The following SP2 variants were observed in gnomAD, a reference collection of about 807,000 sequenced individuals.
SP2 encodes transcription factor Sp2.
Under a neutral mutation model 50.1 loss-of-function variants are expected in SP2, and 9 were observed. The ratio of observed to expected loss-of-function variants is 0.18; its 90% CI spans 0.11 to 0.31. The LOEUF (loss-of-function observed/expected upper bound fraction) is 0.31, where lower values mean the gene tolerates loss of function less well. Ranked by LOEUF, SP2 falls within the 10% of genes least tolerant of loss-of-function variation. The probability of loss-of-function intolerance (pLI) is 1.00; values close to 1 mark genes in which losing one functional copy is unlikely to be tolerated. For synonymous variants in SP2, 313 were observed against 326.6 expected (o/e 0.96, Z 0.45); for missense variants, 581 against 806.5 (o/e 0.72, Z 3.39).
intron 3 of SP2, among the ~76,000 whole-genome samples, chr17:47,918,853 T>C (rs1045065466): frequency 6.6e-6 from 1 of 152,204 alleles, no homozygotes; most frequent in Non-Finnish European, 1.5e-5. Flanking sequence ...GTAAATAAAG[T>C]TTAATTGGAG....
intron 1 of SP2, chr17:47,898,224 G>A (rs1221682073): frequency 6.6e-6 from 1 of 152,222 alleles, no homozygotes; most frequent in Non-Finnish European, 1.5e-5. Context: ...TTGGGCCTCT[G>A]GAGAGGCCTG....
At chr17:47,898,319 G>A (rs897699763) in intron 1 of SP2, 1 of 152,206 alleles carries the variant, frequency 6.6e-6, no homozygotes, top group Non-Finnish European at 1.5e-5. Flanking sequence ...TAGAGTGGTT[G>A]GTTCATTTGG....
chr17:47,924,718 T>C (rs1216856831), intron 4 of SP2, among the ~76,000 whole-genome samples: 1 of 152,242 alleles, frequency 6.6e-6, no homozygotes, highest in African/African-American at 2.4e-5. Flanking sequence ...TGTAAAGTGC[T>C]GATGATAGTA....
chr17:47,928,096 G>A lies in SP2; in HGVS notation c.*272G>A, dbSNP rs2035720916. 2.6e-6 allele frequency: 1 copy of A among 390,230 alleles called. No individual in the cohort carries two copies. The highest frequency in any genetic ancestry group is 4.4e-5 in the South Asian group (1 of 22,514). 24.2% of individuals were successfully genotyped at this position (390,230 alleles called of 1,614,324 possible). A position where few individuals can be genotyped will look rare whatever the true frequency, so the allele number is the denominator to read the frequency against. On this transcript the variant is annotated 3_prime_UTR_variant, in exon 7 of 7. Transcript: ENST00000376741. ...CCAATGAGACGTTCTAAACCAGGAC[G>A]CGTGGGAACCCTTATTTCCAAAGGA...
In SP2 at chr17:47,922,968, A is replaced by C. The variant is rs1369519098; in HGVS notation, c.1066A>C (p.Ile356Leu). Residue 356 changes from isoleucine (I) to leucine (L), a missense_variant, in exon 4 of 7, where the codon ATC (isoleucine) becomes CTC (leucine). Physicochemically the swap from Ile to Leu is conservative, Grantham distance 5 (BLOSUM62 2). Transcript: ENST00000376741. ...TTTCTCTGGCCCCTCCCAGGTCTAC[A>C]TCCGCACGCCTTCCGGTGAGGTGCA... Reference protein sequence around the residue: ...AAEPTPTQVYIRTPSGEVQTV... With the variant: ...AAEPTPTQVYLRTPSGEVQTV... 2 of 1,610,862 alleles carry C rather than the reference A, an allele frequency of 1.2e-6. No homozygotes were observed. Among genetic ancestry groups the C allele is most frequent in the Middle Eastern group, 1.6e-4 (1 of 6,068 alleles).
rs146274900 is a variant in SP2, at chr17:47,923,415, T to C, written c.1372+141T>C. ...GCTTAAGGGTACGTCCACCTGCAGC[T>C]TCTCACCTAGTCCTTACAATAGCAC... On this transcript the variant is annotated intron_variant, in intron 4 of 6. Transcript: ENST00000376741. 2.5e-4 allele frequency: 167 copies of C among 671,990 alleles called. 1 individual carries two copies. In the African/African-American group the frequency reaches 2.7e-3, roughly 11 times the overall value. 41.6% of individuals were successfully genotyped at this position (671,990 alleles called of 1,614,324 possible).
At chr17:47,912,526 C>T (rs1475754066) in intron 1 of SP2, among the ~76,000 whole-genome samples, 12 of 151,370 alleles carry the variant, frequency 7.9e-5, no homozygotes. Flanking sequence ...CTCACTGTAG[C>T]CTTGACCTCT....
intron 3 of SP2, among the ~76,000 whole-genome samples, chr17:47,919,179 G>C (rs2035333958): frequency 6.6e-6 from 1 of 152,180 alleles, no homozygotes; most frequent in African/African-American, 2.4e-5. Flanking sequence ...GGGAGGCTGA[G>C]GCTAGAGATT....
intron 1 of SP2, among the ~76,000 whole-genome samples, chr17:47,914,185 A>G (rs2143927893): frequency 6.6e-6 from 1 of 152,326 alleles, no homozygotes; most frequent in South Asian, 2.1e-4. Flanking sequence ...AGCCTGACCA[A>G]CATGGTGAAA....
intron 2 of SP2, among the ~76,000 whole-genome samples, chr17:47,915,747 C>T (rs2035174109): frequency 6.6e-6 from 1 of 152,098 alleles, no homozygotes; most frequent in South Asian, 2.1e-4. Context: ...TCCTGTTGCC[C>T]CTCCATTTTT....
rs1325307564 is a variant in SP2, at chr17:47,928,344, G to T, written c.*520G>T. ...CAGCCCCGCCACAACCTCTCCTCCAGCACATTCCAGCTCTATTTAAAAAGT... is the reference window on the plus strand; with the variant it reads ...CAGCCCCGCCACAACCTCTCCTCCATCACATTCCAGCTCTATTTAAAAAGT... On this transcript the variant is annotated 3_prime_UTR_variant, in exon 7 of 7. Coordinates refer to ENST00000376741, the MANE Select transcript of SP2 (RefSeq NM_003110.6). 1 of 157,524 alleles carries T rather than the reference G, an allele frequency of 6.3e-6. No homozygotes were observed. Among genetic ancestry groups the T allele is most frequent in the Non-Finnish European group, 1.4e-5 (1 of 70,396 alleles). The allele number at this position is 157,524 out of a possible 1,614,324, so 9.8% of individuals were successfully genotyped here. A position where few individuals can be genotyped will look rare whatever the true frequency, so the allele number is the denominator to read the frequency against.
chr17:47,918,898 C>G (rs55956628), intron 3 of SP2, among the ~76,000 whole-genome samples: 20,536 of 152,080 alleles, frequency 0.14, 1,598 homozygotes, highest in East Asian at 0.24. Context: ...CCTTGCACTA[C>G]AGTAGTAGCA....
chr17:47,900,138 C>G (rs1378555253), intron 1 of SP2: 1 of 152,224 alleles, frequency 6.6e-6, no homozygotes, highest in South Asian at 2.1e-4. Flanking sequence ...GGCCTTTGAT[C>G]TCATTCACAG....
At chr17:47,931,188 T>A (rs756038063), downstream of SP2, among the ~76,000 whole-genome samples, 7 of 151,708 alleles carry the variant, frequency 4.6e-5, no homozygotes, top group Non-Finnish European at 8.8e-5. Context: ...CTAAAAAATA[T>A]AATAATTAGC....
intron 1 of SP2, among the ~76,000 whole-genome samples, chr17:47,915,068 G>GTATTTT (rs1303590802): frequency 6.6e-6 from 1 of 151,990 alleles, no homozygotes; most frequent in East Asian, 1.9e-4. Flanking sequence ...ACAAAAATTA[G>GTATTTT]CTGGGCATGG....
At position 47,928,144 on chromosome 17, in the gene SP2, G is replaced by C. The variant is rs911529816; in HGVS notation, c.*320G>C. On this transcript the variant is annotated 3_prime_UTR_variant, in exon 7 of 7. Transcript: ENST00000376741. ...GGAAAAACATGCATTTCACTCCGTC[G>C]AGGAGCAAAGTGAGCCCCTACCCCC... 4.2e-6 allele frequency: 1 copy of C among 239,764 alleles called. No individual in the cohort carries two copies. The highest frequency in any genetic ancestry group is 2.3e-5 in the African/African-American group (1 of 44,422). The allele number at this position is 239,764 out of a possible 1,614,324, so 14.9% of individuals were successfully genotyped here.
At chr17:47,924,068 A>G (rs1290666921) in intron 4 of SP2, among the ~76,000 whole-genome samples, 1 of 151,864 alleles carries the variant, frequency 6.6e-6, no homozygotes, top group African/African-American at 2.4e-5. Flanking sequence ...CCAAGAGGAT[A>G]AGGCATCCTA....
chr17:47,905,359 C>G (rs1461686331), intron 1 of SP2, among the ~76,000 whole-genome samples: 1 of 152,158 alleles, frequency 6.6e-6, no homozygotes, highest in Admixed American at 6.5e-5. Context: ...AAGAGAAAGA[C>G]TGTTTGCACA....
At chr17:47,910,422 C>T (rs918256549) in intron 1 of SP2, among the ~76,000 whole-genome samples, 1 of 152,100 alleles carries the variant, frequency 6.6e-6, no homozygotes, top group African/African-American at 2.4e-5. Context: ...AACTGTGGTT[C>T]GTGGTCTGAT....
Sources: allele counts gnomAD v4.1 joint callset (sites outside exome capture counted in the v4.1 genomes callset), GRCh38; gene constraint gnomAD v4.1.1; transcripts MANE v1.5; gene names NCBI Gene and HGNC (gene_info 2026-07-23, HGNC 2026-07-21).